The following ANKS1B variants were observed in gnomAD, a reference collection of about 807,000 sequenced individuals.
The protein encoded by ANKS1B is ankyrin repeat and sterile alpha motif domain containing 1B, also known as ankyrin repeat and sterile alpha motif domain-containing protein 1B.
In ANKS1B, 36 loss-of-function variants were observed where a neutral mutation model predicts 148.3. The ratio of observed to expected loss-of-function variants is 0.24; its 90% CI spans 0.19 to 0.32. The LOEUF is 0.32. ANKS1B is among the 10% of genes least tolerant of loss of function. The pLI is 1.00. For missense variants in ANKS1B, 1,157 were observed against 1,542.6 expected, an observed-to-expected ratio of 0.75 and a Z score of 4.19; for synonymous variants, 542 against 560.8, an observed-to-expected ratio of 0.97 and a Z score of 0.47.
intron 12 of ANKS1B, among the ~76,000 whole-genome samples, chr12:99,288,640 C>A (rs2724193): frequency 1.3e-5 from 2 of 152,008 alleles, no homozygotes; most frequent in Admixed American, 1.3e-4. Flanking sequence ...TATTAGTTTT[C>A]TCTTTGCTTG....
At chr12:99,819,459 C>T (rs189083924) in intron 2 of ANKS1B, among the ~76,000 whole-genome samples, 1 of 151,302 alleles carries the variant, frequency 6.6e-6, no homozygotes, top group Non-Finnish European at 1.5e-5. Flanking sequence ...ATACAGATAG[C>T]TTATTATATG....
intron 8 of ANKS1B, among the ~76,000 whole-genome samples, chr12:99,754,455 G>C (rs1034018378): frequency 6.6e-6 from 1 of 152,134 alleles, no homozygotes; most frequent in Non-Finnish European, 1.5e-5. Context: ...CACTGAGACA[G>C]TAAATTAACA....
At chr12:98,915,250 T>A (rs1198464956) in intron 17 of ANKS1B, among the ~76,000 whole-genome samples, 1 of 152,152 alleles carries the variant, frequency 6.6e-6, no homozygotes, top group Non-Finnish European at 1.5e-5. Context: ...GATGTGAAGA[T>A]GTACAGGGAG....
intron 4 of ANKS1B, among the ~76,000 whole-genome samples, chr12:99,804,674 T>C (rs2067363155): frequency 6.6e-6 from 1 of 152,170 alleles, no homozygotes; most frequent in Non-Finnish European, 1.5e-5. Context: ...ATTTGCCACA[T>C]TTAGTCCCTC....
chr12:99,922,921 C>G (rs1255778450), intron 1 of ANKS1B, among the ~76,000 whole-genome samples: 1 of 150,680 alleles, frequency 6.6e-6, no homozygotes, highest in Non-Finnish European at 1.5e-5. Flanking sequence ...CCTTGGACCT[C>G]TCAGCCTCCA....
At chr12:98,955,259 T>C (rs762486613) in intron 17 of ANKS1B, among the ~76,000 whole-genome samples, 1 of 152,128 alleles carries the variant, frequency 6.6e-6, no homozygotes, top group Non-Finnish European at 1.5e-5. Flanking sequence ...TTTGAGAACA[T>C]AATTTAAGAA....
chr12:99,139,810 T>C (rs1007829377), intron 15 of ANKS1B, among the ~76,000 whole-genome samples: 3 of 151,988 alleles, frequency 2.0e-5, no homozygotes, highest in African/African-American at 7.2e-5. Context: ...ACTTAATAGG[T>C]GTTCCCTTAG....
chr12:99,741,597 G>T (rs1035319303), intron 8 of ANKS1B, among the ~76,000 whole-genome samples: 1 of 152,088 alleles, frequency 6.6e-6, no homozygotes, highest in African/African-American at 2.4e-5. Flanking sequence ...CCTTTGCAGC[G>T]ACATGGATGA....
intron 9 of ANKS1B, among the ~76,000 whole-genome samples, chr12:99,642,548 G>C (rs916672063): frequency 2.6e-5 from 4 of 152,180 alleles, no homozygotes; most frequent in African/African-American, 9.7e-5. Context: ...GGGCATGGTG[G>C]CTTATGTCTG....
chr12:99,909,417 G>C (rs1455055918), intron 1 of ANKS1B, among the ~76,000 whole-genome samples: 1 of 151,972 alleles, frequency 6.6e-6, no homozygotes, highest in African/African-American at 2.4e-5. Context: ...CCCACAAGAG[G>C]GACTGATTGC....
intron 4 of ANKS1B, among the ~76,000 whole-genome samples, chr12:99,790,309 T>C (rs886617602): frequency 6.6e-6 from 1 of 152,102 alleles, no homozygotes; most frequent in Non-Finnish European, 1.5e-5. Context: ...GACCTTCCCA[T>C]ACGAGCAAAA....
chr12:99,897,199 T>A (rs751827343), intron 1 of ANKS1B, among the ~76,000 whole-genome samples: 1 of 151,272 alleles, frequency 6.6e-6, no homozygotes, highest in Non-Finnish European at 1.5e-5. Flanking sequence ...CATACATATT[T>A]ATCAAAATTG....
intron 14 of ANKS1B, among the ~76,000 whole-genome samples, chr12:99,242,321 G>T (rs1357502837): frequency 6.6e-6 from 1 of 152,118 alleles, no homozygotes; most frequent in African/African-American, 2.4e-5. Context: ...AAATACCTAG[G>T]AATCCAATTT....
chr12:99,234,175 C>A (rs970462211), intron 14 of ANKS1B, among the ~76,000 whole-genome samples: 1 of 152,146 alleles, frequency 6.6e-6, no homozygotes, highest in Admixed American at 6.6e-5. Flanking sequence ...ACACATACTA[C>A]ATAAAACGGT....
chr12:99,768,378 G>A (rs1416423687), intron 8 of ANKS1B, among the ~76,000 whole-genome samples: 1 of 152,158 alleles, frequency 6.6e-6, no homozygotes, highest in Non-Finnish European at 1.5e-5. Flanking sequence ...TTTCCTTGAT[G>A]ATAAACTGAA....
Position 99,688,634 on chromosome 12 carries a change from C to G in ANKS1B, c.1129-33424G>C, listed in dbSNP as rs112338825. ...GGAAGATCACTTGAGGCCAGGAGTTCGAGACCAGCCTGGGCAACATAACAA... is the reference window on the plus strand; with the variant it reads ...GGAAGATCACTTGAGGCCAGGAGTTGGAGACCAGCCTGGGCAACATAACAA... On this transcript the variant is annotated intron_variant, in intron 8 of 26. Coordinates refer to ENST00000683438, the MANE Select transcript of ANKS1B (RefSeq NM_001352186.2). Among the ~76,000 whole-genome samples, 176 of 152,112 alleles carry G rather than the reference C, an allele frequency of 1.2e-3. 1 individual carries two copies. The highest frequency in any genetic ancestry group is 3.4e-3 in the Middle Eastern group (1 of 294).
chr12:99,489,174 G>A (rs983706345), intron 10 of ANKS1B, among the ~76,000 whole-genome samples: 15 of 151,374 alleles, frequency 9.9e-5, no homozygotes, highest in Middle Eastern at 3.4e-3. Flanking sequence ...CCCGGGAGGC[G>A]GAGGTGGCAG....
At chr12:99,347,315 T>C (rs1304909316) in intron 12 of ANKS1B, among the ~76,000 whole-genome samples, 1 of 151,742 alleles carries the variant, frequency 6.6e-6, no homozygotes, top group Non-Finnish European at 1.5e-5. Flanking sequence ...CTTGGGGGAG[T>C]AAGGGCTTTG....
chr12:98,743,463 A>C (rs1038975361), downstream of ANKS1B, among the ~76,000 whole-genome samples: 3 of 152,164 alleles, frequency 2.0e-5, no homozygotes, highest in African/African-American at 4.8e-5. Context: ...TGGTTATTGA[A>C]GTTATCAATG....
Sources: gnomAD v4.1 joint callset for allele counts (sites outside exome capture counted in the v4.1 genomes callset) on GRCh38, gnomAD v4.1.1 for gene constraint, MANE v1.5 for transcripts, NCBI Gene and HGNC (gene_info 2026-07-23, HGNC 2026-07-21) for gene names.